Variants in USP6 observed in about 807,000 individuals in gnomAD.
USP6 encodes the protein ubiquitin specific peptidase 6.
Under a neutral mutation model 175.7 loss-of-function variants are expected in USP6, and 128 were observed. The ratio of observed to expected loss-of-function variants is 0.73; its 90% confidence interval spans 0.63 to 0.84. The LOEUF is 0.84. Ranked by LOEUF, USP6 falls within the 40% of genes least tolerant of loss-of-function variation. The pLI is 0.00. For synonymous variants in USP6, 562 were observed against 630.6 expected, an observed-to-expected ratio of 0.89 and a Z score of 1.63; for missense variants, 1,498 against 1,760.3, an observed-to-expected ratio of 0.85 and a Z score of 2.67.
chr17:5,145,613 C>G, intron 27 of USP6, 34 bp downstream of exon 27: 1 of 1,532,226 alleles, frequency 6.5e-7, no homozygotes, highest in Non-Finnish European at 8.8e-7. Context: ...TTACTTGATT[C>G]CATTAAATTT....
chr17:5,139,728 C>T (rs1412439776), intron 22 of USP6, 54 bp downstream of exon 22: 3 of 1,598,086 alleles, frequency 1.9e-6, no homozygotes, highest in Non-Finnish European at 2.5e-6. Flanking sequence ...ACTTCCCGGC[C>T]CTGCAGTGCA....
intron 30 of USP6, among the ~76,000 whole-genome samples, chr17:5,150,891 C>G (rs2073752977): frequency 1.3e-5 from 2 of 152,076 alleles, no homozygotes; most frequent in Non-Finnish European, 2.9e-5. Flanking sequence ...AGAATGCTTT[C>G]TTGTCTCTTC....
In USP6 at chr17:5,163,006, TAAGA is replaced by T. The variant is rs1356218759; in HGVS notation, c.3036+4_3036+7del. 3 of 1,573,230 alleles carry T rather than the reference TAAGA, an allele frequency of 1.9e-6. No homozygotes were observed. The highest frequency in any genetic ancestry group is 2.6e-6 in the Non-Finnish European group (3 of 1,168,010). ...CGCTATCAAACATCCCAGGAAAGGGTAAGAATTTAGGGCCACCGTAAAATGGTGG... is the reference window on the plus strand; with the variant it reads ...CGCTATCAAACATCCCAGGAAAGGGTATTTAGGGCCACCGTAAAATGGTGG... On this transcript the variant is annotated splice_donor_5th_base_variant and intron_variant, in intron 33 of 37. Transcript: ENST00000574788.
intron 2 of USP6, among the ~76,000 whole-genome samples, 164 bp downstream of exon 2, chr17:5,118,454 G>T (rs1399222564): frequency 6.6e-6 from 1 of 152,268 alleles, no homozygotes; most frequent in Non-Finnish European, 1.5e-5. Flanking sequence ...CTGCGGTGCT[G>T]CCCAAGTGGG....
rs970398568 is a variant in USP6 at position 5,124,839 on chromosome 17, C to T, written c.-1025C>T. ...AGCTCCAGGCTTACTATCTACAGCC[C>T]CCAAAGTGTGCTGCGGGACCCTTGG... On this transcript the variant is annotated 5_prime_UTR_variant, in exon 5 of 38. Transcript: ENST00000574788. The T allele has an allele frequency of 6.6e-6, 1 of 152,202 alleles. No individual in the cohort carries two copies. The highest frequency in any genetic ancestry group is 6.5e-5 in the Admixed American group (1 of 15,278). The allele number at this position is 152,202 out of a possible 1,614,324, so 9.4% of individuals were successfully genotyped here. A position where few individuals can be genotyped will look rare whatever the true frequency, so the allele number is the denominator to read the frequency against.
intron 36 of USP6, 142 bp downstream of exon 36, chr17:5,171,057 T>A: frequency 8.9e-7 from 1 of 1,118,600 alleles, no homozygotes; most frequent in Non-Finnish European, 1.3e-6. Context: ...CATTGAAATC[T>A]GGGCTCACAG....
intron 31 of USP6, among the ~76,000 whole-genome samples, chr17:5,156,592 C>T (rs1156810214): frequency 2.0e-5 from 3 of 152,124 alleles, no homozygotes; most frequent in African/African-American, 7.2e-5. Flanking sequence ...AGGCGTGAGC[C>T]ACCTCACCCA....
intron 19 of USP6, 65 bp from the exon 20 acceptor site, chr17:5,137,586 C>T (rs1374231617): frequency 1.0e-5 from 15 of 1,498,152 alleles, no homozygotes; most frequent in Admixed American, 1.7e-5. Flanking sequence ...CCCCAGTGTG[C>T]GCAGCTCGAG....
Position 5,125,811 on chromosome 17 carries a change from T to C in USP6, c.-591-10T>C, listed in dbSNP as rs1431787471. The C allele has an allele frequency of 1.3e-5, 2 of 152,274 alleles. No homozygotes were observed. Among genetic ancestry groups the C allele is most frequent in the Admixed American group, 6.5e-5 (1 of 15,274 alleles). The allele number at this position is 152,274 out of a possible 1,614,324, so 9.4% of individuals were successfully genotyped here. On this transcript the variant is annotated splice_polypyrimidine_tract_variant and intron_variant, in intron 5 of 37. Transcript: ENST00000574788. ...TTTTTTTGAGATGGAATTTCACTCT[T>C]GTTGCCTAGGCTGGAGTGCAATGGC...
rs182699451 is a variant in USP6 at position 5,173,866 on chromosome 17, G to A, written c.*888G>A. Reference sequence around the variant, plus strand: ...AACAAGAGCTTCTGGGAAGGTAAGCGGCATCGGAGCTAGATCACGTTTCAC... The same window carrying A: ...AACAAGAGCTTCTGGGAAGGTAAGCAGCATCGGAGCTAGATCACGTTTCAC... On this transcript the variant is annotated 3_prime_UTR_variant, in exon 38 of 38. Transcript: ENST00000574788. 14 of 223,144 alleles carry A rather than the reference G, an allele frequency of 6.3e-5. No homozygotes were observed. Among genetic ancestry groups the A allele is most frequent in the African/African-American group, 1.8e-4 (8 of 44,858 alleles). 13.8% of individuals were successfully genotyped at this position (223,144 alleles called of 1,614,324 possible).
chr17:5,143,832 A>G (rs2073528968), intron 25 of USP6, among the ~76,000 whole-genome samples: 1 of 151,988 alleles, frequency 6.6e-6, no homozygotes, highest in Admixed American at 6.6e-5. Context: ...AGGCTGAGGC[A>G]CGAGAAATGC....
Position 5,132,242 on chromosome 17 carries a change from A to G in USP6, c.156-154A>G. ...TGCCCCTCCTGGGAGTCAGAGCCACAGGAAGGCCCTTGTCCTCCCTTCCCT... is the reference window on the plus strand; with the variant it reads ...TGCCCCTCCTGGGAGTCAGAGCCACGGGAAGGCCCTTGTCCTCCCTTCCCT... On this transcript the variant is annotated intron_variant, in intron 11 of 37. Transcript: ENST00000574788. This position sits in a 1 kb window ranked among gnomAD's most constrained non-coding sequence, Gnocchi z 4.7. 6.3e-7 allele frequency: 1 copy of G among 1,591,110 alleles called. No individual in the cohort carries two copies. Among genetic ancestry groups the G allele is most frequent in the Non-Finnish European group, 8.6e-7 (1 of 1,167,534 alleles).
intron 31 of USP6, among the ~76,000 whole-genome samples, chr17:5,158,291 G>A (rs1261023891): frequency 6.6e-6 from 1 of 152,110 alleles, no homozygotes; most frequent in Non-Finnish European, 1.5e-5. Context: ...TCGAGGCTGG[G>A]TGCAGTGGCT....
In USP6 at chr17:5,130,325, C is replaced by G. The variant is rs1234607843; in HGVS notation, c.-1-42C>G. The G allele has an allele frequency of 1.9e-6, 3 of 1,605,752 alleles. No individual in the cohort carries two copies. In the Admixed American group the frequency reaches 5.0e-5, roughly 27 times the overall value. Reference sequence around the variant, plus strand: ...GGAGCGGTTCAGGTGTTCTCCGAAGCTGTCGGGTACAGTGTAACCTTTAGA... The same window carrying G: ...GGAGCGGTTCAGGTGTTCTCCGAAGGTGTCGGGTACAGTGTAACCTTTAGA... On this transcript the variant is annotated intron_variant, in intron 9 of 37. Transcript: ENST00000574788.
intron 34 of USP6, 56 bp from the exon 35 acceptor site, chr17:5,168,711 A>G (rs2074148066): frequency 6.7e-7 from 1 of 1,500,918 alleles, no homozygotes; most frequent in African/African-American, 1.4e-5. Context: ...TTTTCCATGT[A>G]AATTTTGTAT....
At chr17:5,136,382 C>G (rs551176718) in intron 17 of USP6, among the ~76,000 whole-genome samples, 54 of 152,350 alleles carry the variant, frequency 3.5e-4, no homozygotes, top group African/African-American at 1.3e-3. Context: ...CCTGTTCTGG[C>G]CGCTCTGTTG....
chr17:5,120,606 C>A, intron 2 of USP6, 21 bp from the exon 3 acceptor site: 1 of 368,548 alleles, frequency 2.7e-6, no homozygotes, highest in South Asian at 2.1e-5. Flanking sequence ...TGGGTGAGCT[C>A]CTGCTGTCCT....
chr17:5,149,810 A>T (rs1337652995), intron 30 of USP6, among the ~76,000 whole-genome samples: 2 of 152,176 alleles, frequency 1.3e-5, no homozygotes, highest in Non-Finnish European at 2.9e-5. Flanking sequence ...CTCTTTGGTA[A>T]AAAAGAAAAA....
chr17:5,164,026 A>C (rs1322382566), intron 33 of USP6, among the ~76,000 whole-genome samples: 1 of 152,250 alleles, frequency 6.6e-6, no homozygotes, highest in Non-Finnish European at 1.5e-5. Flanking sequence ...ATTATTTGAA[A>C]GGTAAAGACA....
Sources: allele counts gnomAD v4.1 joint callset (sites outside exome capture counted in the v4.1 genomes callset), GRCh38; gene constraint gnomAD v4.1.1; non-coding constraint Gnocchi (gnomAD v3.1); transcripts MANE v1.5; gene names NCBI Gene and HGNC (gene_info 2026-07-23, HGNC 2026-07-21).